SLC20A2: variants seen among roughly 807,000 people sequenced by gnomAD.
SLC20A2 encodes sodium-dependent phosphate transporter 2.
SLC20A2 carries 30 observed loss-of-function variants against 61.0 expected under a neutral mutation model. The ratio of observed to expected loss-of-function variants is 0.49; its 90% CI spans 0.37 to 0.67. SLC20A2 has a LOEUF of 0.67. Among genes scored for constraint, SLC20A2 ranks in the 30% least tolerant of loss-of-function variants. The pLI, the probability that SLC20A2 is intolerant of heterozygous loss-of-function variation, is 0.00. For missense variants in SLC20A2, 626 were observed against 866.4 expected (o/e 0.72, Z 3.48); for synonymous variants, 351 against 353.3 (o/e 0.99, Z 0.07).
At chr8:42,423,488 G>A (rs1787249268) in intron 10 of SLC20A2, among the ~76,000 whole-genome samples, 1 of 151,992 alleles carries the variant, frequency 6.6e-6, no homozygotes, top group Non-Finnish European at 1.5e-5. Context: ...ACCATGTCAG[G>A]TCTGTTTTTA....
chr8:42,520,666 C>T (rs2131399985), intron 1 of SLC20A2, among the ~76,000 whole-genome samples: 2 of 116,590 alleles, frequency 1.7e-5, no homozygotes, highest in South Asian at 3.2e-4. Context: ...GCGGAGCTTG[C>T]AGTGAGCTGA....
intron 10 of SLC20A2, among the ~76,000 whole-genome samples, chr8:42,422,852 G>T (rs1803137597): frequency 6.6e-6 from 1 of 152,052 alleles, no homozygotes; most frequent in Admixed American, 6.6e-5. Context: ...CTTCTCTGTT[G>T]TTACAATGTC....
At chr8:42,523,224 G>A (rs1262383660) in intron 1 of SLC20A2, among the ~76,000 whole-genome samples, 3 of 152,130 alleles carry the variant, frequency 2.0e-5, no homozygotes, top group Non-Finnish European at 4.4e-5. Flanking sequence ...CAGCTACTAC[G>A]GAGGTTGAGG....
intron 1 of SLC20A2, chr8:42,535,076 G>A (rs887030295): frequency 4.6e-5 from 7 of 152,156 alleles, no homozygotes; most frequent in African/African-American, 7.2e-5. Context: ...ATCCTCGATG[G>A]AATTGAAGGT....
At chr8:42,533,472 T>C (rs909071017) in intron 1 of SLC20A2, among the ~76,000 whole-genome samples, 11 of 151,680 alleles carry the variant, frequency 7.3e-5, no homozygotes, top group Non-Finnish European at 1.6e-4. Context: ...AAAAATTAGC[T>C]GGGCTTAGTG....
In SLC20A2 at chr8:42,459,949, T is replaced by C; in HGVS notation, c.560A>G (p.Tyr187Cys). ...PNGLRALPVF[Y>C]AATIAINVFS... ...GACATTGATTGCTATGGTAGCAGCA[T>C]AGAATACTGGGAGTGCCCGGAGGCC... Residue 187 changes from tyrosine (Y) to cysteine (C), a missense_variant, in exon 5 of 11, where the codon TAT becomes TGT. Coordinates refer to ENST00000520262, the MANE Select transcript of SLC20A2 (RefSeq NM_001257180.2). 2 of 1,613,496 alleles carry C rather than the reference T, an allele frequency of 1.2e-6. No individual in the cohort carries two copies. The highest frequency in any genetic ancestry group is 1.1e-5 in the South Asian group (1 of 90,964).
At chr8:42,477,813 G>A (rs1808241265) in intron 1 of SLC20A2, among the ~76,000 whole-genome samples, 1 of 151,980 alleles carries the variant, frequency 6.6e-6, no homozygotes, top group Non-Finnish European at 1.5e-5. Context: ...CAAAGAGGTA[G>A]AGAAGAGAAA....
At chr8:42,481,788 C>T (rs1201251987) in intron 1 of SLC20A2, among the ~76,000 whole-genome samples, 1 of 152,110 alleles carries the variant, frequency 6.6e-6, no homozygotes, top group Non-Finnish European at 1.5e-5. Flanking sequence ...CTTACTTTGG[C>T]GTTTGGTTCT....
chr8:42,438,084 A>AAAAAAAAAAAAG, intron 7 of SLC20A2, among the ~76,000 whole-genome samples: 1 of 150,346 alleles, frequency 6.7e-6, no homozygotes, highest in Non-Finnish European at 1.5e-5. Flanking sequence ...AAAAAAAAAA[A>AAAAAAAAAAAAG]AAAAACATGG....
At position 42,423,418 on chromosome 8, in the gene SLC20A2, T is replaced by G. The variant is rs547161831; in HGVS notation, c.1794+5340A>C. Among the ~76,000 whole-genome samples, 3 of 152,182 alleles carry G rather than the reference T, an allele frequency of 2.0e-5. No individual in the cohort carries two copies. The South Asian group carries it at 6.2e-4, about 32-fold the overall frequency. On this transcript the variant is annotated intron_variant, in intron 10 of 10. Coordinates refer to ENST00000520262, the MANE Select transcript of SLC20A2 (RefSeq NM_001257180.2). ...TTGCCCCAGGCTGGTTTCAAACTTC[T>G]GGGCTCAAGCGATCCTCCTACCTCT...
At chr8:42,487,369 G>A (rs1462732129) in intron 1 of SLC20A2, among the ~76,000 whole-genome samples, 3 of 150,224 alleles carry the variant, frequency 2.0e-5, no homozygotes, top group African/African-American at 7.4e-5. Context: ...AGTAGAGACG[G>A]GGTTTCACCG....
upstream of SLC20A2, among the ~76,000 whole-genome samples, chr8:42,505,512 G>C (rs186069210): frequency 2.0e-5 from 3 of 152,166 alleles, no homozygotes; most frequent in Non-Finnish European, 2.9e-5. Context: ...CTGCATTTTA[G>C]TTTGGAACCT....
rs2099079484 is a variant in SLC20A2 at position 42,517,051 on chromosome 8, G to A, written c.-265+24770C>T. 2.0e-5 allele frequency among the ~76,000 whole-genome samples: 3 copies of A among 152,098 alleles called. No individual in the cohort carries two copies. In the South Asian group the frequency reaches 6.2e-4, roughly 32 times the overall value. On this transcript the variant is annotated intron_variant, in intron 1 of 10. Transcript: ENST00000342228. ...TCATTTATCCTTAGTATCTCATGTT[G>A]CTGATTTTAGAACATTATTACAACC...
chr8:42,459,144 G>A (rs1354481580), intron 5 of SLC20A2, among the ~76,000 whole-genome samples: 1 of 146,844 alleles, frequency 6.8e-6, no homozygotes, highest in Non-Finnish European at 1.5e-5. Flanking sequence ...GCTGAGGCAG[G>A]AGAATCGCTT....
chr8:42,454,468 T>A (rs1291623556), intron 5 of SLC20A2, among the ~76,000 whole-genome samples: 1 of 152,140 alleles, frequency 6.6e-6, no homozygotes, highest in Non-Finnish European at 1.5e-5. Context: ...CTGGCCTTAC[T>A]TTATAATCAG....
At chr8:42,503,016 C>G (rs1341511190), upstream of SLC20A2, among the ~76,000 whole-genome samples, 1 of 152,198 alleles carries the variant, frequency 6.6e-6, no homozygotes, top group Non-Finnish European at 1.5e-5. Flanking sequence ...AAGGAGCAAT[C>G]TGATGTATGA....
At chr8:42,530,599 G>T (rs1456715755) in intron 1 of SLC20A2, among the ~76,000 whole-genome samples, 3 of 152,196 alleles carry the variant, frequency 2.0e-5, no homozygotes, top group African/African-American at 7.2e-5. Flanking sequence ...CAAATTTTGA[G>T]AATGGATTTA....
chr8:42,465,678 A>T lies in SLC20A2; in HGVS notation c.430+99T>A, dbSNP rs1205450872. The T allele has an allele frequency of 4.0e-5, 48 of 1,214,330 alleles. No homozygotes were observed. In the African/African-American group the frequency reaches 7.2e-4, roughly 18 times the overall value. 75.2% of individuals were successfully genotyped at this position (1,214,330 alleles called of 1,614,324 possible). On this transcript the variant is annotated intron_variant, in intron 3 of 10. Coordinates refer to ENST00000520262, the MANE Select transcript of SLC20A2 (RefSeq NM_001257180.2). ...TGCACTCCAGCCTGGCAACAGAGTGACACTCCGGGTCAAAAAAAAAAAAAA... is the reference window on the plus strand; with the variant it reads ...TGCACTCCAGCCTGGCAACAGAGTGTCACTCCGGGTCAAAAAAAAAAAAAA...
At chr8:42,489,853 G>C (rs1280628031) in intron 1 of SLC20A2, among the ~76,000 whole-genome samples, 1 of 152,166 alleles carries the variant, frequency 6.6e-6, no homozygotes, top group Non-Finnish European at 1.5e-5. Context: ...GGCAGGGTCT[G>C]AATAAAGGGG....
Sources: allele counts gnomAD v4.1 joint callset (sites outside exome capture counted in the v4.1 genomes callset), GRCh38; gene constraint gnomAD v4.1.1; transcripts MANE v1.5; gene names NCBI Gene and HGNC (gene_info 2026-07-23, HGNC 2026-07-21).